The following ZCCHC7 variants were observed in gnomAD, a reference collection of about 807,000 sequenced individuals.
ZCCHC7 encodes the protein zinc finger CCHC domain-containing protein 7.
In ZCCHC7, 35 loss-of-function variants were observed where a neutral mutation model predicts 52.0. That is an observed-to-expected ratio of 0.67 (90% CI 0.51 to 0.89). The LOEUF (loss-of-function observed/expected upper bound fraction) is 0.89. ZCCHC7 is among the 40% of genes least tolerant of loss of function. The pLI, the probability that ZCCHC7 is intolerant of heterozygous loss-of-function variation, is 0.00. For missense variants in ZCCHC7, 574 were observed against 649.1 expected (o/e 0.88, Z 1.26); for synonymous variants, 217 against 221.5 (o/e 0.98, Z 0.18).
At chr9:37,274,386 C>T (rs944853955) in intron 2 of ZCCHC7, among the ~76,000 whole-genome samples, 5 of 123,300 alleles carry the variant, frequency 4.1e-5, no homozygotes, top group Non-Finnish European at 6.3e-5. Context: ...GTTGCTCAGG[C>T]AGGAGCACAG....
chr9:37,186,721 A>G (rs993724079), intron 2 of ZCCHC7: 5 of 594,976 alleles, frequency 8.4e-6, no homozygotes, highest in African/African-American at 7.5e-5. Context: ...GGCCAAGAAT[A>G]AAATCTTTAT....
rs191244129 is a variant in ZCCHC7, at chr9:37,158,372, G to A, written c.610+31430G>A. Among the ~76,000 whole-genome samples the A allele has an allele frequency of 4.6e-5, 7 of 152,302 alleles. No homozygotes were observed. In the East Asian group the frequency reaches 7.7e-4, roughly 17 times the overall value. ...AGCACTTAGCCCCATGTTGAACAAC[G>A]ACTCTAGGCAGACATACTTGATGAG... On this transcript the variant is annotated intron_variant, in intron 2 of 8. Transcript: ENST00000336755.
chr9:37,245,519 T>G (rs1826046439), intron 2 of ZCCHC7, among the ~76,000 whole-genome samples: 1 of 152,056 alleles, frequency 6.6e-6, no homozygotes, highest in Admixed American at 6.6e-5. Context: ...TGGACAATGT[T>G]AAGCAGTAGA....
chr9:37,205,417 C>A lies in ZCCHC7; in HGVS notation c.610+78475C>A. The A allele has an allele frequency of 1.2e-5, 2 of 160,312 alleles. 1 individual carries two copies. The highest frequency in any genetic ancestry group is 3.6e-4 in the South Asian group (2 of 5,530). The allele number at this position is 160,312 out of a possible 1,614,324, so 9.9% of individuals were successfully genotyped here. A position where few individuals can be genotyped will look rare whatever the true frequency, so the allele number is the denominator to read the frequency against. On this transcript the variant is annotated intron_variant, in intron 2 of 8. Transcript: ENST00000336755. Reference sequence around the variant, plus strand: ...AAATGAGAGTGTCCCACCTGAAAAACAACTAGTATACTTTAATACACTTTA... The same window carrying A: ...AAATGAGAGTGTCCCACCTGAAAAAAAACTAGTATACTTTAATACACTTTA...
At chr9:37,305,838 T>G (rs1829276986) in intron 5 of ZCCHC7, 124 bp downstream of exon 5, 7 of 682,850 alleles carry the variant, frequency 1.0e-5, no homozygotes, top group Non-Finnish European at 1.1e-5. Flanking sequence ...GTGAGATATA[T>G]ATATATATAT....
chr9:37,356,863 G>A lies in ZCCHC7; in HGVS notation c.1227G>A (p.Glu409=), dbSNP rs912099473. The A allele has an allele frequency of 6.2e-6, 10 of 1,604,174 alleles. No homozygotes were observed. The African/African-American group carries it at 1.4e-4, about 22-fold the overall frequency. The change falls in exon 9 of 9, where the codon GAG becomes GAA. Residue 409 remains glutamate (E), a synonymous_variant. Transcript: ENST00000336755. ...TCAAGAAAAATGGGGTTATCCCAGA[G>A]CCATCCAAGCTACCTTATATAAAAG... is the stretch of plus-strand genomic sequence containing the variant. ...KVLKKNGVIP[E]PSKLPYIKAA...
intron 5 of ZCCHC7, among the ~76,000 whole-genome samples, chr9:37,320,993 T>TC (rs1830026637): frequency 6.8e-6 from 1 of 146,114 alleles, no homozygotes; most frequent in Admixed American, 6.8e-5. Context: ...TTTTCTTTTT[T>TC]TTTTTTTTTT....
rs530159875 is a variant in ZCCHC7 at position 37,177,291 on chromosome 9, C to G, written c.610+50349C>G. ...TGGAGTTTGCAGTGAGCTGAGACCA[C>G]GCCAGTGCATTCCAGCCTGGGTGAC... On this transcript the variant is annotated intron_variant, in intron 2 of 8. Transcript: ENST00000336755. Among the ~76,000 whole-genome samples, 24 of 152,102 alleles carry G rather than the reference C, an allele frequency of 1.6e-4. 1 individual carries two copies. The South Asian group carries it at 2.3e-3, about 14-fold the overall frequency.
At chr9:37,261,850 A>G (rs1826881174) in intron 2 of ZCCHC7, among the ~76,000 whole-genome samples, 1 of 152,164 alleles carries the variant, frequency 6.6e-6, no homozygotes, top group African/African-American at 2.4e-5. Context: ...ACTGATGAAA[A>G]TAAATTTTGA....
At position 37,193,674 on chromosome 9, in the gene ZCCHC7, G is replaced by GT. The variant is rs147476121; in HGVS notation, c.610+66735dup. ...TGTTTATGTTGTTGGATTTTCTGCT[G>GT]TTTCATGTACAATTTTATATGAGCT... On this transcript the variant is annotated intron_variant, in intron 2 of 8. Coordinates refer to ENST00000336755, the MANE Select transcript of ZCCHC7 (RefSeq NM_032226.3). Among the ~76,000 whole-genome samples, 562 of 152,062 alleles carry GT rather than the reference G, an allele frequency of 3.7e-3. 2 individuals carry two copies. Among genetic ancestry groups the GT allele is most frequent in the African/African-American group, 0.013 (534 of 41,472 alleles).
intron 2 of ZCCHC7, among the ~76,000 whole-genome samples, chr9:37,198,648 A>T (rs932477208): frequency 2.0e-5 from 3 of 152,336 alleles, no homozygotes; most frequent in South Asian, 2.1e-4. Context: ...TGGCATACTT[A>T]TGTTGTCTTT....
intron 5 of ZCCHC7, among the ~76,000 whole-genome samples, chr9:37,319,446 G>A (rs996470946): frequency 5.3e-5 from 8 of 151,762 alleles, no homozygotes; most frequent in Admixed American, 3.9e-4. Context: ...TTTGTTTTTT[G>A]AGACAGGGTC....
chr9:37,206,963 CAA>C (rs566151095), intron 2 of ZCCHC7, among the ~76,000 whole-genome samples: 4 of 132,242 alleles, frequency 3.0e-5, no homozygotes, highest in African/African-American at 2.8e-5. Context: ...GTAGTCTCTC[CAA>C]AAAAAAAAAA....
chr9:37,130,757 A>G (rs753476107), intron 2 of ZCCHC7, among the ~76,000 whole-genome samples: 1 of 151,508 alleles, frequency 6.6e-6, no homozygotes, highest in Non-Finnish European at 1.5e-5. Flanking sequence ...CGGCCTCCCA[A>G]AGTGCTGGGA....
At chr9:37,305,834 T>G (rs375081303) in intron 5 of ZCCHC7, 120 bp downstream of exon 5, 6 of 69,770 alleles carry the variant, frequency 8.6e-5, no homozygotes, top group Admixed American at 1.5e-4. Context: ...CTCCGTGAGA[T>G]ATATATATAT....
intron 2 of ZCCHC7, among the ~76,000 whole-genome samples, chr9:37,192,614 T>G (rs1408728757): frequency 6.6e-6 from 1 of 152,238 alleles, no homozygotes; most frequent in Non-Finnish European, 1.5e-5. Flanking sequence ...AGAGTTATTC[T>G]TTTTGCTGTT....
rs869292704 is a variant in ZCCHC7, at chr9:37,306,762, C to CTTTTTTT, written c.951+1084_951+1090dup. 7.1e-4 allele frequency among the ~76,000 whole-genome samples: 37 copies of CTTTTTTT among 52,034 alleles called. 8 individuals carry two copies. The highest frequency in any genetic ancestry group is 8.4e-4 in the Admixed American group (3 of 3,592). 34.1% of individuals were successfully genotyped at this position (52,034 alleles called of 152,430 possible). A position where few individuals can be genotyped will look rare whatever the true frequency, so the allele number is the denominator to read the frequency against. ...ACAGGCATGAGCCACTGTACCCGAC[C>CTTTTTTT]TTTTTTTTTTTTTTTTTTTTTTTTT... On this transcript the variant is annotated intron_variant, in intron 5 of 8. Coordinates refer to ENST00000336755, the MANE Select transcript of ZCCHC7 (RefSeq NM_032226.3).
At chr9:37,203,326 A>G (rs1458056217) in intron 2 of ZCCHC7, among the ~76,000 whole-genome samples, 2 of 152,158 alleles carry the variant, frequency 1.3e-5, no homozygotes, top group Non-Finnish European at 2.9e-5. Flanking sequence ...TTTTACTTTA[A>G]GTACCAGGAT....
At chr9:37,254,215 T>C (rs535629519) in intron 2 of ZCCHC7, among the ~76,000 whole-genome samples, 1 of 152,052 alleles carries the variant, frequency 6.6e-6, no homozygotes, top group African/African-American at 2.4e-5. Context: ...GGTTTTTTAA[T>C]CTGAACAATA....
Sources: gnomAD v4.1 joint callset for allele counts (sites outside exome capture counted in the v4.1 genomes callset) on GRCh38, gnomAD v4.1.1 for gene constraint, MANE v1.5 for transcripts, NCBI Gene and HGNC (gene_info 2026-07-23, HGNC 2026-07-21) for gene names.